The following WFS1 variants were observed in gnomAD, a reference collection of about 807,000 sequenced individuals.
WFS1 encodes the protein wolframin ER transmembrane glycoprotein, also known as wolframin.
A neutral mutation model predicts 68.5 loss-of-function variants in WFS1; 90 were observed. The observed-to-expected ratio is 1.31, with a 90% CI of 1.11 to 1.56. The LOEUF is 1.56. Ranked by LOEUF, WFS1 falls within the 40% of genes most tolerant of loss-of-function variation. The pLI is 0.00. For synonymous variants in WFS1, 860 were observed against 540.7 expected (o/e 1.59, Z -8.19); for missense variants, 1,767 against 1,232.6 (o/e 1.43, Z -6.49).
chr4:6,292,739 CTCT>C (rs1315705510), intron 6 of WFS1, among the ~76,000 whole-genome samples: 1 of 152,192 alleles, frequency 6.6e-6, no homozygotes, highest in South Asian at 2.1e-4. Flanking sequence ...CTGCCACAGA[CTCT>C]TCTTGTGACA....
intron 1 of WFS1, among the ~76,000 whole-genome samples, chr4:6,276,839 G>A (rs73795936): frequency 1.2e-4 from 19 of 152,292 alleles, no homozygotes; most frequent in African/African-American, 4.3e-4. Context: ...TCAGTTCCTC[G>A]CCTCTGTCCA....
intron 4 of WFS1, 46 bp downstream of exon 4, chr4:6,289,177 C>T: frequency 6.5e-7 from 1 of 1,537,168 alleles, no homozygotes; most frequent in South Asian, 1.2e-5. Flanking sequence ...GGTTGAGCAG[C>T]TTGTAATGCT....
rs1204017628 is a variant in WFS1 at position 6,302,528 on chromosome 4, GC to G, written c.*64del. On this transcript the variant is annotated 3_prime_UTR_variant, in exon 8 of 8. Coordinates refer to ENST00000226760, the MANE Select transcript of WFS1 (RefSeq NM_006005.3). ...TGCCATGAGGCCTTTCCCCAGTGTG[GC>G]CCCAGCCCGACAGGCATGCACCAGT... 21 of 1,602,502 alleles carry G rather than the reference GC, an allele frequency of 1.3e-5. No individual in the cohort carries two copies. The highest frequency in any genetic ancestry group is 1.1e-5 in the Non-Finnish European group (13 of 1,177,668).
At chr4:6,294,749 G>A in intron 6 of WFS1, 1 of 439,688 alleles carries the variant, frequency 2.3e-6, no homozygotes, top group South Asian at 2.1e-5. Flanking sequence ...GTGGGTGAGT[G>A]GCCCCAGGCA....
At chr4:6,275,302 T>C (rs1383719032) in intron 1 of WFS1, among the ~76,000 whole-genome samples, 1 of 152,190 alleles carries the variant, frequency 6.6e-6, no homozygotes, top group African/African-American at 2.4e-5. Flanking sequence ...GACCTGACTT[T>C]TCACCATCTC....
intron 7 of WFS1, among the ~76,000 whole-genome samples, chr4:6,297,814 A>C (rs747059040): frequency 1.3e-5 from 2 of 152,138 alleles, no homozygotes; most frequent in Non-Finnish European, 2.9e-5. Context: ...AGGAGACTGA[A>C]CTTTTTAATC....
intron 1 of WFS1, among the ~76,000 whole-genome samples, chr4:6,276,566 T>C (rs114778670): frequency 6.6e-6 from 1 of 152,188 alleles, no homozygotes; most frequent in Non-Finnish European, 1.5e-5. Context: ...GCGGCAGATC[T>C]GGGTATGAAT....
intron 1 of WFS1, among the ~76,000 whole-genome samples, chr4:6,270,468 G>A (rs1437510952): frequency 3.7e-5 from 1 of 27,156 alleles, no homozygotes; most frequent in African/African-American, 1.2e-4. Flanking sequence ...AGGTGTTGTG[G>A]GGGGGAAGGG....
intron 1 of WFS1, among the ~76,000 whole-genome samples, chr4:6,273,140 A>G (rs963513602): frequency 6.6e-6 from 1 of 152,168 alleles, no homozygotes; most frequent in African/African-American, 2.4e-5. Flanking sequence ...CCCAGAGAGA[A>G]CAGAATGGGG....
rs2109116513 is a variant in WFS1, at chr4:6,291,190, C to T, written c.461-7C>T. On this transcript the variant is annotated splice_polypyrimidine_tract_variant and splice_region_variant and intron_variant, in intron 4 of 7. Transcript: ENST00000226760. ...CACAAGGCCTTTGACCACATCCTAT[C>T]CCTCAGGCATCACGTCCGAGAACGA... is the stretch of plus-strand genomic sequence containing the variant. 13 of 1,611,914 alleles carry T rather than the reference C, an allele frequency of 8.1e-6. No homozygotes were observed. Among genetic ancestry groups the T allele is most frequent in the East Asian group, 2.2e-5 (1 of 44,860 alleles).
rs1034454553 is a variant in WFS1 at position 6,269,937 on chromosome 4, G to C, written c.-83G>C. The stretch of plus-strand genomic sequence containing the variant: ...AGATCTCCCGTTTGCGCCGCGTTCA[G>C]CTGCTCCCGAACAACTTTTCTGCCG... On this transcript the variant is annotated 5_prime_UTR_variant, in exon 1 of 8. Coordinates refer to ENST00000226760, the MANE Select transcript of WFS1 (RefSeq NM_006005.3). 3.3e-5 allele frequency: 5 copies of C among 152,170 alleles called. No homozygotes were observed. Among genetic ancestry groups the C allele is most frequent in the African/African-American group, 1.2e-4 (5 of 41,420 alleles). 9.4% of individuals were successfully genotyped at this position (152,170 alleles called of 1,614,324 possible).
intron 1 of WFS1, 68 bp from the exon 2 acceptor site, chr4:6,277,383 A>G: frequency 1.4e-6 from 2 of 1,453,638 alleles, no homozygotes; most frequent in Non-Finnish European, 1.9e-6. Context: ...TTCTGTCTCC[A>G]GCAGACACTA....
At position 6,291,932 on chromosome 4, in the gene WFS1, C is replaced by G. The variant is rs141233896; in HGVS notation, c.647C>G (p.Pro216Arg). The stretch of plus-strand genomic sequence containing the variant: ...TCCCCTGCAGATGGAGGGGCGCAGC[C>G]AGGCCCCGTGCCCAAGTCCCTGCAG... ...QVNEHDGGAQ[P>R]GPVPKSLQKQ... Residue 216 changes from proline (P) to arginine (R), a missense_variant, in exon 6 of 8, where the codon CCA becomes CGA. Physicochemically the swap from Pro to Arg is moderately radical, Grantham distance 103 (BLOSUM62 -2). Coordinates refer to ENST00000226760, the MANE Select transcript of WFS1 (RefSeq NM_006005.3). 6.3e-5 allele frequency: 101 copies of G among 1,610,922 alleles called. No individual in the cohort carries two copies. The African/African-American group carries it at 8.7e-4, about 14-fold the overall frequency.
Position 6,302,543 on chromosome 4 carries a change from G to T in WFS1, c.*75G>T. The stretch of plus-strand genomic sequence containing the variant: ...CCCCAGTGTGGCCCCAGCCCGACAG[G>T]CATGCACCAGTGCCGCCTGTGCCCA... On this transcript the variant is annotated 3_prime_UTR_variant, in exon 8 of 8. Coordinates refer to ENST00000226760, the MANE Select transcript of WFS1 (RefSeq NM_006005.3). 1 of 1,594,972 alleles carries T rather than the reference G, an allele frequency of 6.3e-7. No homozygotes were observed. The highest frequency in any genetic ancestry group is 1.1e-5 in the South Asian group (1 of 89,850).
intron 7 of WFS1, among the ~76,000 whole-genome samples, chr4:6,299,701 ATGTG>A (rs1163175698): frequency 8.7e-5 from 4 of 46,058 alleles, no homozygotes; most frequent in African/African-American, 8.4e-5. Context: ...GTGTGTGTGA[ATGTG>A]TGTGTAGGGG....
chr4:6,271,837 C>G, intron 1 of WFS1, among the ~76,000 whole-genome samples: 1 of 152,306 alleles, frequency 6.6e-6, no homozygotes, highest in Admixed American at 6.5e-5. Context: ...GTCCGCCTCC[C>G]GAGCCAGGAG....
intron 4 of WFS1, 50 bp from the exon 5 acceptor site, chr4:6,291,147 G>T (rs748567015): frequency 6.2e-7 from 1 of 1,602,750 alleles, no homozygotes; most frequent in Non-Finnish European, 8.5e-7. Flanking sequence ...GAGTGGCACC[G>T]AAAGCCTAGG....
chr4:6,288,234 A>AC (rs1480419469), intron 3 of WFS1, among the ~76,000 whole-genome samples: 4 of 151,314 alleles, frequency 2.6e-5, no homozygotes, highest in African/African-American at 9.7e-5. Flanking sequence ...AAAAAAAAAA[A>AC]ATTTCTTTCC....
At position 6,300,772 on chromosome 4, in the gene WFS1, C is replaced by G. The variant is rs369795224; in HGVS notation, c.977C>G (p.Ala326Gly). 1 of 1,613,996 alleles carries G rather than the reference C, an allele frequency of 6.2e-7. No homozygotes were observed. Among genetic ancestry groups the G allele is most frequent in the Admixed American group, 1.7e-5 (1 of 60,000 alleles). ...STIIPTHHIN[A>G]LIFFFIVSNL... The stretch of plus-strand genomic sequence containing the variant: ...ATCATCCCCACGCACCACATCAACG[C>G]GCTCATCTTCTTCTTCATCGTCAGC... The change falls in exon 8 of 8, where the codon GCG becomes GGG. Residue 326 changes from alanine to glycine, a missense_variant. Ala to Gly is a moderately conservative substitution (Grantham distance 60). Coordinates refer to ENST00000226760, the MANE Select transcript of WFS1 (RefSeq NM_006005.3).
Sources: gnomAD v4.1 joint callset for allele counts (sites outside exome capture counted in the v4.1 genomes callset) on GRCh38, gnomAD v4.1.1 for gene constraint, MANE v1.5 for transcripts, NCBI Gene and HGNC (gene_info 2026-07-23, HGNC 2026-07-21) for gene names.